TET3: variants seen among roughly 807,000 people sequenced by gnomAD.
TET3 encodes methylcytosine dioxygenase TET3.
TET3 carries 19 observed loss-of-function variants against 141.4 expected under a neutral mutation model. The ratio of observed to expected loss-of-function variants is 0.13; its 90% confidence interval spans 0.09 to 0.20. The LOEUF (loss-of-function observed/expected upper bound fraction) is 0.20, where lower values mean the gene tolerates loss of function less well. Among genes scored for constraint, TET3 ranks in the 10% least tolerant of loss-of-function variants. TET3 has a pLI of 1.00. For synonymous variants in TET3, 1,043 were observed against 980.9 expected (o/e 1.06, Z -1.18); for missense variants, 1,874 against 2,356.9 (o/e 0.80, Z 4.24).
intron 3 of TET3, among the ~76,000 whole-genome samples, chr2:74,032,570 T>A (rs1198073563): frequency 6.7e-6 from 1 of 150,250 alleles, no homozygotes; most frequent in African/African-American, 2.5e-5. Flanking sequence ...ATGACCTGGT[T>A]CTTGTGTGCT....
the TET3 span, among the ~76,000 whole-genome samples, chr2:74,125,394 A>T: frequency 6.6e-6 from 1 of 152,252 alleles, no homozygotes; most frequent in East Asian, 1.9e-4. Flanking sequence ...ACACGTTTTC[A>T]GACAGCCACA....
rs376750227 is a variant in TET3, at chr2:74,100,635, T to A, written c.3847T>A (p.Ser1283Thr). ...CTTCCACTCCAAGTACGCTCTCCCG[T>A]CTTTTAGCTACTATGGCTTTCCATC... ...NGFHSKYALPSFSYYGFPSSN... is the reference protein window; with the variant it reads ...NGFHSKYALPTFSYYGFPSSN... The change falls in exon 12 of 12, where the codon TCT becomes ACT. Residue 1283 changes from serine to threonine, a missense_variant. Physicochemically the swap from Ser to Thr is moderately conservative, Grantham distance 58 (BLOSUM62 1). This residue lies in a region of TET3 where 602 missense variants were observed against 590.2 expected (regional missense o/e 1.02). Transcript: ENST00000409262. 131 of 1,613,918 alleles carry A rather than the reference T, an allele frequency of 8.1e-5. No individual in the cohort carries two copies. The highest frequency in any genetic ancestry group is 1.0e-4 in the Non-Finnish European group (121 of 1,179,912).
At position 74,107,675 on chromosome 2, in the gene TET3, T is replaced by A. The variant is rs1480996552; in HGVS notation, c.*5499T>A. On this transcript the variant is annotated 3_prime_UTR_variant, in exon 12 of 12. Coordinates refer to ENST00000409262, the MANE Select transcript of TET3 (RefSeq NM_001287491.2). The stretch of plus-strand genomic sequence containing the variant: ...CTAGAACCCCTGTAGCTTTTTGATG[T>A]GTTTTATTTCTTATCTCTTTGAATT... 1 of 152,202 alleles carries A rather than the reference T, an allele frequency of 6.6e-6. No homozygotes were observed. The highest frequency in any genetic ancestry group is 1.5e-5 in the Non-Finnish European group (1 of 68,040). 9.4% of individuals were successfully genotyped at this position (152,202 alleles called of 1,614,324 possible).
downstream of TET3, among the ~76,000 whole-genome samples, chr2:74,110,800 C>G (rs1691686051): frequency 6.6e-6 from 1 of 152,146 alleles, no homozygotes; most frequent in Non-Finnish European, 1.5e-5. Context: ...GTACCCCTGA[C>G]TCTCACTCTC....
intron 5 of TET3, among the ~76,000 whole-genome samples, chr2:74,074,721 A>G (rs1431609771): frequency 4.6e-5 from 7 of 150,906 alleles, no homozygotes; most frequent in Non-Finnish European, 8.8e-5. Context: ...GAGTGTCCCG[A>G]GGATAAACTG....
chr2:74,018,509 G>A (rs1685856115), intron 3 of TET3, among the ~76,000 whole-genome samples: 1 of 152,016 alleles, frequency 6.6e-6, no homozygotes, highest in African/African-American at 2.4e-5. Flanking sequence ...TATAAGATAG[G>A]GATTGAACTT....
chr2:74,009,244 C>T (rs755157259), intron 3 of TET3, among the ~76,000 whole-genome samples: 4 of 152,130 alleles, frequency 2.6e-5, no homozygotes, highest in Admixed American at 6.5e-5. Flanking sequence ...GGCCACTCTG[C>T]AGATGGGGAA....
chr2:74,027,988 T>G (rs1333856685), intron 3 of TET3, among the ~76,000 whole-genome samples: 5 of 152,142 alleles, frequency 3.3e-5, no homozygotes, highest in Admixed American at 6.5e-5. Flanking sequence ...TGGGTTTTTT[T>G]CACTTTTTTT....
chr2:74,052,408 C>T (rs1197813316), intron 4 of TET3, among the ~76,000 whole-genome samples: 1 of 152,080 alleles, frequency 6.6e-6, no homozygotes, highest in Non-Finnish European at 1.5e-5. Context: ...TTCATCCCCT[C>T]ACCAGTGGTA....
At chr2:74,130,810 G>A in the TET3 span, 14 of 152,256 alleles carry the variant, frequency 9.2e-5, no homozygotes, top group African/African-American at 2.9e-4. Context: ...TTGCAGGACA[G>A]GCATCTTCTG....
At chr2:74,115,874 G>A in the TET3 span, among the ~76,000 whole-genome samples, 17 of 151,942 alleles carry the variant, frequency 1.1e-4, no homozygotes, top group Admixed American at 2.6e-4. Context: ...AATTAGCCTC[G>A]CATGGTGGCA....
At chr2:74,031,434 C>G (rs1266203422) in intron 3 of TET3, among the ~76,000 whole-genome samples, 1 of 152,142 alleles carries the variant, frequency 6.6e-6, no homozygotes, top group Non-Finnish European at 1.5e-5. Context: ...AGCATTGCAC[C>G]CAGGCCTTTC....
At chr2:74,078,255 G>A (rs1689621519) in intron 5 of TET3, among the ~76,000 whole-genome samples, 1 of 151,708 alleles carries the variant, frequency 6.6e-6, no homozygotes, top group Non-Finnish European at 1.5e-5. Flanking sequence ...ATGAAACAAA[G>A]GCTTTAAAAG....
At chr2:74,124,099 C>T in the TET3 span, among the ~76,000 whole-genome samples, 1 of 151,910 alleles carries the variant, frequency 6.6e-6, no homozygotes, top group Non-Finnish European at 1.5e-5. Flanking sequence ...GCCCCTCCGC[C>T]CAGCAGCTGC....
intron 2 of TET3, among the ~76,000 whole-genome samples, chr2:73,995,900 C>T (rs1684568506): frequency 6.6e-6 from 1 of 152,180 alleles, no homozygotes; most frequent in Non-Finnish European, 1.5e-5. Context: ...ACCCACTGCC[C>T]AGTCCACTGC....
downstream of TET3, among the ~76,000 whole-genome samples, chr2:74,112,115 T>C (rs1255033390): frequency 8.5e-5 from 13 of 152,202 alleles, no homozygotes; most frequent in Non-Finnish European, 1.3e-4. Flanking sequence ...ATGATACTAT[T>C]TCCCTGTAAT....
At chr2:74,011,063 C>T (rs1443324360) in intron 3 of TET3, among the ~76,000 whole-genome samples, 2 of 151,828 alleles carry the variant, frequency 1.3e-5, no homozygotes, top group Admixed American at 1.3e-4. Flanking sequence ...TGGAGAAACC[C>T]CGTCTCTACT....
chr2:74,077,776 A>C (rs947872169), intron 5 of TET3, among the ~76,000 whole-genome samples: 5 of 152,226 alleles, frequency 3.3e-5, no homozygotes, highest in Non-Finnish European at 5.9e-5. Flanking sequence ...TCCTCAGCTC[A>C]CCCTCCTGCG....
chr2:74,093,560 G>A lies in TET3; in HGVS notation c.3161G>A (p.Arg1054His). The change falls in exon 10 of 12, where the codon CGT becomes CAT. Residue 1054 changes from arginine (R) to histidine (H), a missense_variant. Arg to His is a conservative substitution (Grantham distance 29, BLOSUM62 0). Around this residue, in one of 10 missense-constraint regions of TET3, gnomAD observed 126 missense variants for 327.4 expected, o/e 0.38. Coordinates refer to ENST00000409262, the MANE Select transcript of TET3 (RefSeq NM_001287491.2). The surrounding 1 kb of genome is among the most constrained non-coding windows in gnomAD (Gnocchi z 4.2). ...AACGAGGAAATAGCGATTGACTGCC[G>A]TCTGGGGCTGAAGGAAGGACGGCCC... ...VTNEEIAIDC[R>H]LGLKEGRPFA... 1 of 1,613,074 alleles carries A rather than the reference G, an allele frequency of 6.2e-7. No homozygotes were observed. Among genetic ancestry groups the A allele is most frequent in the Non-Finnish European group, 8.5e-7 (1 of 1,179,418 alleles).
Sources: allele counts gnomAD v4.1 joint callset (sites outside exome capture counted in the v4.1 genomes callset), GRCh38; gene constraint gnomAD v4.1.1; regional missense constraint gnomAD v4.1.1; non-coding constraint Gnocchi (gnomAD v3.1); transcripts MANE v1.5; gene names NCBI Gene and HGNC (gene_info 2026-07-23, HGNC 2026-07-21).